TRIM44: variants seen among roughly 807,000 people sequenced by gnomAD.
TRIM44 encodes tripartite motif-containing protein 44.
Under a neutral mutation model 37.4 loss-of-function variants are expected in TRIM44, and 13 were observed. The ratio of observed to expected loss-of-function variants is 0.35; its 90% CI spans 0.23 to 0.55. The LOEUF (loss-of-function observed/expected upper bound fraction) is 0.55. Ranked by LOEUF, TRIM44 falls within the 20% of genes least tolerant of loss-of-function variation. TRIM44 has a pLI of 0.89. For missense variants in TRIM44, 426 were observed against 437.2 expected (o/e 0.97, Z 0.23); for synonymous variants, 175 against 157.2 (o/e 1.11, Z -0.85).
chr11:35,786,317 A>T (rs1271497682), intron 4 of TRIM44, among the ~76,000 whole-genome samples: 1 of 152,246 alleles, frequency 6.6e-6, no homozygotes, highest in African/African-American at 2.4e-5. Context: ...TCATCTGCTT[A>T]TCTCAGTTCC....
chr11:35,780,368 C>T (rs1853047087), intron 4 of TRIM44, among the ~76,000 whole-genome samples: 1 of 152,180 alleles, frequency 6.6e-6, no homozygotes, highest in Non-Finnish European at 1.5e-5. Context: ...TGAGAATGTA[C>T]TCAGGACTTC....
intron 4 of TRIM44, among the ~76,000 whole-genome samples, chr11:35,784,821 G>C (rs1393852087): frequency 2.0e-5 from 3 of 152,154 alleles, no homozygotes. Flanking sequence ...CAAAAAACTA[G>C]GTTGTAGAAT....
intron 2 of TRIM44, among the ~76,000 whole-genome samples, chr11:35,693,180 C>T (rs1851657966): frequency 6.6e-6 from 1 of 152,078 alleles, no homozygotes; most frequent in Non-Finnish European, 1.5e-5. Context: ...GCACATACTC[C>T]TAAGTTAGGT....
At chr11:35,703,214 CG>C (rs1851820361) in intron 2 of TRIM44, among the ~76,000 whole-genome samples, 4 of 152,124 alleles carry the variant, frequency 2.6e-5, no homozygotes, top group Non-Finnish European at 5.9e-5. Context: ...GAGGGGTGCC[CG>C]CCATTGCCCA....
intron 4 of TRIM44, among the ~76,000 whole-genome samples, chr11:35,758,237 C>T (rs921125880): frequency 7.2e-5 from 11 of 151,996 alleles, no homozygotes; most frequent in South Asian, 2.1e-4. Flanking sequence ...TGAATTGATC[C>T]CTTTGCCATT....
At chr11:35,792,579 T>C (rs1243517910) in intron 4 of TRIM44, among the ~76,000 whole-genome samples, 1 of 152,228 alleles carries the variant, frequency 6.6e-6, no homozygotes, top group African/African-American at 2.4e-5. Context: ...CCCTGCCTCT[T>C]ATCTCACCAG....
intron 4 of TRIM44, among the ~76,000 whole-genome samples, chr11:35,796,100 G>C (rs1414335055): frequency 2.0e-5 from 3 of 152,096 alleles, no homozygotes; most frequent in Admixed American, 1.3e-4. Flanking sequence ...TTCATAACCC[G>C]CTGCCATATG....
intron 4 of TRIM44, among the ~76,000 whole-genome samples, chr11:35,788,964 G>A (rs1016187779): frequency 2.6e-5 from 4 of 152,048 alleles, no homozygotes; most frequent in African/African-American, 9.7e-5. Flanking sequence ...TCTTTCTTGT[G>A]TATATTTCAG....
intron 4 of TRIM44, among the ~76,000 whole-genome samples, chr11:35,789,475 ACCTGGGAATCATTGAT>A (rs6144300): frequency 0.13 from 19,933 of 152,128 alleles, 1,376 homozygotes; most frequent in African/African-American, 0.16. Context: ...TTCATTAAGC[ACCTGGGAATCATTGAT>A]CCTCTTTCAC....
At chr11:35,778,392 G>T (rs561404782) in intron 4 of TRIM44, among the ~76,000 whole-genome samples, 107 of 152,222 alleles carry the variant, frequency 7.0e-4, no homozygotes, top group African/African-American at 2.3e-3. Flanking sequence ...TCTTTGCGAT[G>T]GGTTCAAACA....
intron 2 of TRIM44, among the ~76,000 whole-genome samples, chr11:35,690,129 A>G (rs1054559135): frequency 8.5e-5 from 13 of 152,192 alleles, no homozygotes; most frequent in African/African-American, 2.9e-4. Flanking sequence ...GCTTCCTGAA[A>G]CAGCAGTTTT....
At chr11:35,792,561 T>C (rs980151080) in intron 4 of TRIM44, among the ~76,000 whole-genome samples, 12 of 152,196 alleles carry the variant, frequency 7.9e-5, no homozygotes, top group Non-Finnish European at 5.9e-5. Context: ...ACCTTGAAGG[T>C]TTACCTTCCC....
intron 1 of TRIM44, among the ~76,000 whole-genome samples, chr11:35,664,311 G>T (rs934483225): frequency 6.6e-6 from 1 of 152,216 alleles, no homozygotes; most frequent in Non-Finnish European, 1.5e-5. Flanking sequence ...TAGAAAAGGA[G>T]GGTAAGAAGA....
chr11:35,772,255 G>A (rs11493512), intron 4 of TRIM44, among the ~76,000 whole-genome samples: 21,019 of 152,214 alleles, frequency 0.14, 1,620 homozygotes, highest in Non-Finnish European at 0.17. Flanking sequence ...GCAGGGGCGG[G>A]GTACTCATGG....
chr11:35,693,274 A>AAC (rs2135495213), intron 2 of TRIM44, among the ~76,000 whole-genome samples: 1 of 152,278 alleles, frequency 6.6e-6, no homozygotes, highest in African/African-American at 2.4e-5. Flanking sequence ...TTCTCAGGCC[A>AAC]TATTTAGTTT....
intron 4 of TRIM44, among the ~76,000 whole-genome samples, chr11:35,759,940 T>G (rs1590577226): frequency 6.6e-6 from 1 of 152,026 alleles, no homozygotes; most frequent in Non-Finnish European, 1.5e-5. Flanking sequence ...CTACTCGGGG[T>G]TCAGGGACCC....
At position 35,759,143 on chromosome 11, in the gene TRIM44, GAC is replaced by G. The variant is rs1852688952; in HGVS notation, c.1007+23702_1007+23703del. Among the ~76,000 whole-genome samples, 5 of 152,340 alleles carry G rather than the reference GAC, an allele frequency of 3.3e-5. No individual in the cohort carries two copies. The South Asian group carries it at 1.0e-3, about 32-fold the overall frequency. On this transcript the variant is annotated intron_variant, in intron 4 of 4. Transcript: ENST00000299413. Reference sequence around the variant, plus strand: ...CCGTCACTTTCAGGTACACCAGTGAGACACAGATTTGGTCTTTTCACATAGTC... The same window carrying G: ...CCGTCACTTTCAGGTACACCAGTGAGACAGATTTGGTCTTTTCACATAGTC...
At chr11:35,737,242 A>C (rs1198772650) in intron 4 of TRIM44, among the ~76,000 whole-genome samples, 1 of 152,236 alleles carries the variant, frequency 6.6e-6, no homozygotes, top group Non-Finnish European at 1.5e-5. Context: ...TTAGGGCCTT[A>C]TAGACCTTCT....
At chr11:35,776,781 A>T (rs1852971585) in intron 4 of TRIM44, among the ~76,000 whole-genome samples, 1 of 152,166 alleles carries the variant, frequency 6.6e-6, no homozygotes, top group Non-Finnish European at 1.5e-5. Flanking sequence ...GAGTTTCTTA[A>T]TCCTGAGTTC....
Sources: allele counts gnomAD v4.1 joint callset (sites outside exome capture counted in the v4.1 genomes callset), GRCh38; gene constraint gnomAD v4.1.1; transcripts MANE v1.5; gene names NCBI Gene and HGNC (gene_info 2026-07-23, HGNC 2026-07-21).